PTPRQ: variants seen among roughly 807,000 people sequenced by gnomAD.
PTPRQ encodes protein tyrosine phosphatase receptor type Q.
In PTPRQ, 199 loss-of-function variants were observed where a neutral mutation model predicts 246.0. The ratio of observed to expected loss-of-function variants is 0.81; its 90% CI spans 0.72 to 0.91. The LOEUF is 0.91. PTPRQ is among the 40% of genes least tolerant of loss of function. The pLI is 0.00. For synonymous variants in PTPRQ, 869 were observed against 853.2 expected, an observed-to-expected ratio of 1.02 and a Z score of -0.32; for missense variants, 2,624 against 2,528.4, an observed-to-expected ratio of 1.04 and a Z score of -0.81.
intron 29 of PTPRQ, among the ~76,000 whole-genome samples, chr12:80,615,276 T>A (rs1898708351): frequency 6.6e-6 from 1 of 151,158 alleles, no homozygotes; most frequent in Middle Eastern, 3.4e-3. Context: ...GGTTTATTTA[T>A]CATATCTACC....
intron 16 of PTPRQ, among the ~76,000 whole-genome samples, chr12:80,507,909 A>G (rs1403672268): frequency 6.6e-6 from 1 of 152,048 alleles, no homozygotes; most frequent in Non-Finnish European, 1.5e-5. Flanking sequence ...GATTATATGT[A>G]GTAAAAATTT....
At position 80,484,591 on chromosome 12, in the gene PTPRQ, A is replaced by G. The variant is rs1935760046; in HGVS notation, c.1345A>G (p.Thr449Ala). 2 of 1,550,470 alleles carry G rather than the reference A, an allele frequency of 1.3e-6. No individual in the cohort carries two copies. Among genetic ancestry groups the G allele is most frequent in the South Asian group, 1.2e-5 (1 of 83,734 alleles). The part of the protein sequence containing the change: ...TGIILENTLL[T>A]GNNEYINDPM... ...AATAATTTTGGAAAATACTTTGCTC[A>G]CTGGAAATAATGAGGTATTGCATTT... Residue 449 changes from threonine (T) to alanine (A), a missense_variant, in exon 9 of 45, where the codon ACT (threonine) becomes GCT (alanine). Physicochemically the swap from Thr to Ala is moderately conservative, Grantham distance 58. Transcript: ENST00000644991.
intron 39 of PTPRQ, among the ~76,000 whole-genome samples, chr12:80,666,848 C>A (rs1900801851): frequency 1.3e-5 from 2 of 150,052 alleles, no homozygotes; most frequent in South Asian, 4.5e-4. Context: ...GTATCCATAT[C>A]TGATCACTTC....
chr12:80,556,995 AATC>A (rs1328230880), intron 25 of PTPRQ, among the ~76,000 whole-genome samples: 1 of 152,152 alleles, frequency 6.6e-6, no homozygotes, highest in African/African-American at 2.4e-5. Context: ...TATAATAGAA[AATC>A]AGGAACTTGT....
intron 35 of PTPRQ, among the ~76,000 whole-genome samples, chr12:80,644,785 A>G (rs1036564648): frequency 3.3e-5 from 5 of 152,086 alleles, no homozygotes; most frequent in African/African-American, 1.2e-4. Context: ...TCAAAGAAAA[A>G]TACAATTTAG....
chr12:80,529,499 A>T (rs1050768371), intron 17 of PTPRQ, among the ~76,000 whole-genome samples: 4 of 152,170 alleles, frequency 2.6e-5, no homozygotes, highest in Non-Finnish European at 5.9e-5. Context: ...ATTTATACTT[A>T]TGGAAACAGA....
Position 80,652,734 on chromosome 12 carries a change from T to C in PTPRQ, c.6025-10T>C. 1 of 1,491,996 alleles carries C rather than the reference T, an allele frequency of 6.7e-7. No individual in the cohort carries two copies. The highest frequency in any genetic ancestry group is 8.9e-7 in the Non-Finnish European group (1 of 1,124,564). 92.4% of individuals were successfully genotyped at this position (1,491,996 alleles called of 1,614,324 possible). A position where few individuals can be genotyped will look rare whatever the true frequency, so the allele number is the denominator to read the frequency against. ...ATAAATGTAAACTTTGTAATGACTT[T>C]ATTTTACAGGAATTACCAAAATTTC... On this transcript the variant is annotated splice_polypyrimidine_tract_variant and intron_variant, in intron 37 of 44. Coordinates refer to ENST00000644991, the MANE Select transcript of PTPRQ (RefSeq NM_001145026.2).
intron 25 of PTPRQ, among the ~76,000 whole-genome samples, chr12:80,571,489 G>C (rs1177416146): frequency 1.3e-5 from 2 of 152,142 alleles, no homozygotes; most frequent in Admixed American, 1.3e-4. Context: ...CCAGTCAATA[G>C]CTTGACTTTC....
chr12:80,499,430 A>G (rs1014578682), intron 14 of PTPRQ, among the ~76,000 whole-genome samples: 4 of 152,012 alleles, frequency 2.6e-5, no homozygotes, highest in African/African-American at 9.7e-5. Context: ...CTTTGGCAAA[A>G]GAGGAAGCTA....
At chr12:80,455,296 TA>T (rs1419576732) in intron 3 of PTPRQ, among the ~76,000 whole-genome samples, 3 of 152,314 alleles carry the variant, frequency 2.0e-5, no homozygotes, top group Non-Finnish European at 2.9e-5. Context: ...GTTAATTATT[TA>T]AAAAAACTTT....
rs764254734 is a variant in PTPRQ at position 80,588,451 on chromosome 12, C to A, written c.4608C>A (p.Gly1536=). ...SNWISTKTLP[G]PPDGPPENVH... is the part of the protein sequence containing the mutation. ...GGATTTCTACAAAAACTCTGCCTGG[C>A]CGTGAGTATTGTCCTGACATGTACA... The change falls in exon 26 of 45, where the codon GGC becomes GGA. Residue 1536 remains glycine, a splice_region_variant and synonymous_variant. Transcript: ENST00000644991. 1.4e-6 allele frequency: 2 copies of A among 1,476,984 alleles called. No individual in the cohort carries two copies. The highest frequency in any genetic ancestry group is 1.8e-6 in the Non-Finnish European group (2 of 1,112,720). The allele number at this position is 1,476,984 out of a possible 1,614,324, so 91.5% of individuals were successfully genotyped here.
intron 25 of PTPRQ, among the ~76,000 whole-genome samples, chr12:80,584,877 A>G (rs1441927774): frequency 6.6e-6 from 1 of 151,994 alleles, no homozygotes; most frequent in Non-Finnish European, 1.5e-5. Flanking sequence ...TCCTCTATAA[A>G]TTTACATTTT....
intron 25 of PTPRQ, among the ~76,000 whole-genome samples, chr12:80,552,645 TTATATATA>T (rs71094985): frequency 0.14 from 10,331 of 76,342 alleles, 1,723 homozygotes; most frequent in Middle Eastern, 0.18. Flanking sequence ...AAAAAAAAAA[TTATATATA>T]TATATATATA....
intron 3 of PTPRQ, among the ~76,000 whole-genome samples, chr12:80,450,349 C>A (rs1292913909): frequency 6.6e-6 from 1 of 152,126 alleles, no homozygotes. Flanking sequence ...TTCCTCTTTT[C>A]CTAATTGAAT....
chr12:80,520,026 G>T (rs1895422381), intron 17 of PTPRQ, among the ~76,000 whole-genome samples: 1 of 152,064 alleles, frequency 6.6e-6, no homozygotes, highest in Non-Finnish European at 1.5e-5. Flanking sequence ...GTGTGTTTTG[G>T]GTGGGGATTG....
intron 15 of PTPRQ, 64 bp from the exon 16 acceptor site, chr12:80,506,505 G>A (rs1245337755): frequency 4.0e-6 from 5 of 1,261,068 alleles, no homozygotes; most frequent in African/African-American, 1.5e-5. Flanking sequence ...TTCATAGTTT[G>A]CCTCTTGCAT....
intron 17 of PTPRQ, among the ~76,000 whole-genome samples, chr12:80,527,756 T>G (rs1261899646): frequency 1.3e-5 from 2 of 151,994 alleles, no homozygotes; most frequent in Admixed American, 1.3e-4. Flanking sequence ...GAGGCCAAGG[T>G]GGGCAGATGG....
At chr12:80,500,817 T>C (rs1894776309) in intron 14 of PTPRQ, among the ~76,000 whole-genome samples, 1 of 151,988 alleles carries the variant, frequency 6.6e-6, no homozygotes, top group African/African-American at 2.4e-5. Context: ...AACTTGACAC[T>C]AGACAATCAG....
chr12:80,467,784 A>C (rs935904489), intron 6 of PTPRQ, among the ~76,000 whole-genome samples: 7 of 150,966 alleles, frequency 4.6e-5, no homozygotes, highest in African/African-American at 1.7e-4. Flanking sequence ...GCATATTCTC[A>C]CTCATAGGTG....
Sources: gnomAD v4.1 joint callset for allele counts (sites outside exome capture counted in the v4.1 genomes callset) on GRCh38, gnomAD v4.1.1 for gene constraint, MANE v1.5 for transcripts, NCBI Gene and HGNC (gene_info 2026-07-23, HGNC 2026-07-21) for gene names.